The following ST8SIA6 variants were observed in gnomAD, a reference collection of about 807,000 sequenced individuals.
ST8SIA6 encodes alpha-2,8-sialyltransferase 8F.
In ST8SIA6, 39 loss-of-function variants were observed where a neutral mutation model predicts 33.6. The observed-to-expected ratio is 1.16, with a 90% confidence interval of 0.90 to 1.52. The LOEUF (loss-of-function observed/expected upper bound fraction) is 1.52, where lower values mean the gene tolerates loss of function less well. Among genes scored for constraint, ST8SIA6 ranks in the 40% most tolerant of loss-of-function variants. ST8SIA6 has a pLI of 0.00. For missense variants in ST8SIA6, 441 were observed against 443.8 expected, an observed-to-expected ratio of 0.99 and a Z score of 0.06; for synonymous variants, 172 against 167.2, an observed-to-expected ratio of 1.03 and a Z score of -0.22.
intron 2 of ST8SIA6, among the ~76,000 whole-genome samples, chr10:17,422,012 GATTTT>G (rs1851792784): frequency 6.6e-6 from 1 of 151,732 alleles, no homozygotes; most frequent in African/African-American, 2.4e-5. Flanking sequence ...CTATACTATA[GATTTT>G]ATTTATTATA....
intron 3 of ST8SIA6, among the ~76,000 whole-genome samples, chr10:17,370,830 T>C (rs989787337): frequency 1.1e-4 from 17 of 152,234 alleles, no homozygotes; most frequent in Non-Finnish European, 2.4e-4. Flanking sequence ...TGGAAGAACT[T>C]TGTCCTTTAT....
In ST8SIA6 at chr10:17,317,980, C is replaced by A. The variant is rs1056399652; in HGVS notation, c.*2898G>T. On this transcript the variant is annotated 3_prime_UTR_variant, in exon 8 of 8. Coordinates refer to ENST00000377602, the MANE Select transcript of ST8SIA6 (RefSeq NM_001004470.3). ...ACACTGCGCAAAAATTAACACTATG[C>A]AATTGATCATGAAGCCCTTTGCAGG... Among the ~76,000 whole-genome samples, 1 of 152,142 alleles carries A rather than the reference C, an allele frequency of 6.6e-6. No homozygotes were observed. The highest frequency in any genetic ancestry group is 6.6e-5 in the Admixed American group (1 of 15,264).
chr10:17,333,717 A>ATATATAGATATATATATATATTTT (rs1251981910), intron 4 of ST8SIA6, among the ~76,000 whole-genome samples: 7 of 33,772 alleles, frequency 2.1e-4, no homozygotes, highest in African/African-American at 1.2e-3. Flanking sequence ...ATATATATAT[A>ATATATAGATATATATATATATTTT]TTTTTTTTTT....
At position 17,437,662 on chromosome 10, in the gene ST8SIA6, C is replaced by CTTCTTTCT. The variant is rs57889107; in HGVS notation, c.200+15896_200+15897insAGAAAGAA. On this transcript the variant is annotated intron_variant, in intron 2 of 7. Transcript: ENST00000377602. ...CCTTCCTTCCTTCCTTCCTTCCTTC[C>CTTCTTTCT]TTCTGTCTCTCTTTCTCTTTCTCTT... is the stretch of plus-strand genomic sequence containing the variant. Among the ~76,000 whole-genome samples the CTTCTTTCT allele has an allele frequency of 6.2e-3, 673 of 109,216 alleles. 21 individuals carry two copies. The highest frequency in any genetic ancestry group is 0.02 in the African/African-American group (566 of 28,496). 71.6% of individuals were successfully genotyped at this position (109,216 alleles called of 152,430 possible).
chr10:17,396,329 T>C (rs1850804654), intron 2 of ST8SIA6, among the ~76,000 whole-genome samples: 1 of 152,240 alleles, frequency 6.6e-6, no homozygotes, highest in Admixed American at 6.5e-5. Context: ...GCGGGTGGTT[T>C]GGTGCCTTGG....
At chr10:17,415,483 C>A (rs74608009) in intron 2 of ST8SIA6, among the ~76,000 whole-genome samples, 4,369 of 152,202 alleles carry the variant, frequency 0.029, 64 homozygotes, top group South Asian at 0.055. Flanking sequence ...ACCATCTGTT[C>A]TTCAGGCCCA....
intron 4 of ST8SIA6, among the ~76,000 whole-genome samples, chr10:17,338,023 A>C (rs1848559044): frequency 7.8e-6 from 1 of 127,700 alleles, no homozygotes; most frequent in Non-Finnish European, 1.6e-5. Flanking sequence ...GAGGCAGAAA[A>C]TACTATTCTT....
intron 4 of ST8SIA6, among the ~76,000 whole-genome samples, chr10:17,358,669 GAAGA>G (rs1171382120): frequency 3.1e-5 from 2 of 64,734 alleles, no homozygotes; most frequent in African/African-American, 6.3e-5. Context: ...GAGGAGGAAA[GAAGA>G]AAGAAGAAGA....
At chr10:17,378,609 C>T (rs868736951) in intron 3 of ST8SIA6, among the ~76,000 whole-genome samples, 1 of 152,074 alleles carries the variant, frequency 6.6e-6, no homozygotes, top group Non-Finnish European at 1.5e-5. Context: ...GTGTAACACC[C>T]GCATACCCAA....
rs549287784 is a variant in ST8SIA6, at chr10:17,381,483, A to T, written c.290+9048T>A. Among the ~76,000 whole-genome samples, 247 of 152,360 alleles carry T rather than the reference A, an allele frequency of 1.6e-3. 1 individual carries two copies. Among genetic ancestry groups the T allele is most frequent in the African/African-American group, 5.7e-3 (238 of 41,582 alleles). Reference sequence around the variant, plus strand: ...GAGCTCTAATTAATTGGCTTTAAAAAAAAGTGCTTAAATCAAATACCAAAA... The same window carrying T: ...GAGCTCTAATTAATTGGCTTTAAAATAAAGTGCTTAAATCAAATACCAAAA... On this transcript the variant is annotated intron_variant, in intron 3 of 7. Transcript: ENST00000377602.
chr10:17,365,873 T>C (rs1588844812), intron 3 of ST8SIA6, among the ~76,000 whole-genome samples: 2 of 152,200 alleles, frequency 1.3e-5, no homozygotes, highest in Admixed American at 6.5e-5. Context: ...TTTTCATCCA[T>C]TGAAATGGGT....
intron 2 of ST8SIA6, among the ~76,000 whole-genome samples, chr10:17,402,132 A>G (rs1230201293): frequency 6.6e-6 from 1 of 152,248 alleles, no homozygotes; most frequent in Non-Finnish European, 1.5e-5. Flanking sequence ...ATGAACAGAC[A>G]CTTCTCAAAA....
chr10:17,392,316 G>A (rs1275514133), intron 2 of ST8SIA6, among the ~76,000 whole-genome samples: 1 of 152,158 alleles, frequency 6.6e-6, no homozygotes, highest in Non-Finnish European at 1.5e-5. Flanking sequence ...TTTAGATGGA[G>A]ACACCCAAGG....
chr10:17,440,971 G>A (rs918427373), intron 2 of ST8SIA6, among the ~76,000 whole-genome samples: 3 of 152,098 alleles, frequency 2.0e-5, no homozygotes, highest in African/African-American at 7.2e-5. Context: ...TGTTAATTGA[G>A]TTGCAAGAGT....
chr10:17,403,022 C>CT (rs1851109548), intron 2 of ST8SIA6, among the ~76,000 whole-genome samples: 1 of 152,200 alleles, frequency 6.6e-6, no homozygotes, highest in African/African-American at 2.4e-5. Context: ...ACCATGAACA[C>CT]TATCACTGCC....
intron 2 of ST8SIA6, among the ~76,000 whole-genome samples, chr10:17,444,457 T>A (rs1268122241): frequency 6.6e-6 from 1 of 152,178 alleles, no homozygotes; most frequent in Non-Finnish European, 1.5e-5. Flanking sequence ...AGGTGGGTCA[T>A]TCAGACACCA....
intron 2 of ST8SIA6, among the ~76,000 whole-genome samples, chr10:17,442,856 C>T (rs1366480563): frequency 1.3e-5 from 2 of 152,144 alleles, no homozygotes; most frequent in African/African-American, 4.8e-5. Context: ...ACTGTCTATC[C>T]ATCCTGTAAT....
chr10:17,434,598 C>A (rs1852195144), intron 2 of ST8SIA6, among the ~76,000 whole-genome samples: 1 of 152,160 alleles, frequency 6.6e-6, no homozygotes, highest in Non-Finnish European at 1.5e-5. Flanking sequence ...AGGGGACTTG[C>A]TCTTAATGAA....
chr10:17,390,586 C>T lies in ST8SIA6; in HGVS notation c.235G>A (p.Glu79Lys), dbSNP rs200382409. ...YLNEKSLQLTEKCKNLQYGIE... is the reference protein window; with the variant it reads ...YLNEKSLQLTKKCKNLQYGIE... ...CCATATTGCAGATTTTTGCATTTCT[C>T]CGTCAGTTGGAGCGACTTCTCATTC... Residue 79 changes from glutamate (E) to lysine (K), a missense_variant, in exon 3 of 8, where the codon GAG (glutamate) becomes AAG (lysine). Coordinates refer to ENST00000377602, the MANE Select transcript of ST8SIA6 (RefSeq NM_001004470.3). The T allele has an allele frequency of 1.3e-5, 21 of 1,613,792 alleles. No individual in the cohort carries two copies. The highest frequency in any genetic ancestry group is 1.8e-5 in the Non-Finnish European group (21 of 1,179,934).
Sources: allele counts gnomAD v4.1 joint callset (sites outside exome capture counted in the v4.1 genomes callset), GRCh38; gene constraint gnomAD v4.1.1; transcripts MANE v1.5; gene names NCBI Gene and HGNC (gene_info 2026-07-23, HGNC 2026-07-21).